The following FHIP1A variants were observed in gnomAD, a reference collection of about 807,000 sequenced individuals.
The protein encoded by FHIP1A is FHF complex subunit HOOK interacting protein 1A.
A neutral mutation model predicts 88.6 loss-of-function variants in FHIP1A; 61 were observed. The observed-to-expected ratio is 0.69, with a 90% CI of 0.56 to 0.85. The LOEUF is 0.85. Ranked by LOEUF, FHIP1A falls within the 40% of genes least tolerant of loss-of-function variation. The pLI is 0.00. For missense variants in FHIP1A, 1,154 were observed against 1,273.5 expected, an observed-to-expected ratio of 0.91 and a Z score of 1.43; for synonymous variants, 478 against 496.0, an observed-to-expected ratio of 0.96 and a Z score of 0.48.
intron 10 of FHIP1A, among the ~76,000 whole-genome samples, chr4:151,648,338 A>C (rs1433128164): frequency 3.3e-5 from 5 of 152,212 alleles, no homozygotes; most frequent in African/African-American, 1.2e-4. Flanking sequence ...GTGCGCAATA[A>C]ATACTGCCAG....
chr4:151,608,809 C>A (rs1735181882), intron 7 of FHIP1A, among the ~76,000 whole-genome samples: 1 of 152,160 alleles, frequency 6.6e-6, no homozygotes, highest in Non-Finnish European at 1.5e-5. Flanking sequence ...TTGGTGAAGC[C>A]TTTTCCAAAT....
intron 3 of FHIP1A, among the ~76,000 whole-genome samples, chr4:151,523,868 G>A (rs183381634): frequency 1.3e-5 from 2 of 152,274 alleles, no homozygotes; most frequent in Admixed American, 6.5e-5. Flanking sequence ...ATTGACATAA[G>A]TGCAGCCCTT....
chr4:151,640,385 AATCTT>A (rs554386925), intron 9 of FHIP1A, among the ~76,000 whole-genome samples: 31 of 152,336 alleles, frequency 2.0e-4, no homozygotes, highest in African/African-American at 7.5e-4. Flanking sequence ...ATCAGTAGCT[AATCTT>A]AAGGATTAGC....
At chr4:151,586,942 C>G in intron 6 of FHIP1A, 143 bp downstream of exon 6, 2 of 573,700 alleles carry the variant, frequency 3.5e-6, no homozygotes, top group East Asian at 3.2e-5. Context: ...ATTGAATGTC[C>G]TTGAATGAGT....
chr4:151,502,097 C>T (rs1046517684), intron 3 of FHIP1A, among the ~76,000 whole-genome samples: 8 of 147,184 alleles, frequency 5.4e-5, no homozygotes, highest in African/African-American at 2.0e-4. Context: ...GGGAGAATCA[C>T]TTGAGCCCAG....
chr4:151,615,083 A>T (rs148989243), intron 7 of FHIP1A, among the ~76,000 whole-genome samples: 3 of 152,294 alleles, frequency 2.0e-5, no homozygotes, highest in Non-Finnish European at 2.9e-5. Flanking sequence ...GCAGGGAGGT[A>T]AAAGGGCAGG....
chr4:151,488,390 A>T (rs1730160932), intron 3 of FHIP1A, among the ~76,000 whole-genome samples: 2 of 152,076 alleles, frequency 1.3e-5, no homozygotes, highest in Admixed American at 1.3e-4. Context: ...AACATGTGGC[A>T]TTTGGTTTTC....
At chr4:151,604,136 C>G (rs575639120) in intron 7 of FHIP1A, among the ~76,000 whole-genome samples, 1 of 152,002 alleles carries the variant, frequency 6.6e-6, no homozygotes, top group Non-Finnish European at 1.5e-5. Flanking sequence ...CTTCCTTCCT[C>G]CTCTGTGGTC....
In FHIP1A at chr4:151,416,260, A is replaced by G. The variant is rs183645595; in HGVS notation, c.-356+6795A>G. Among the ~76,000 whole-genome samples, 79 of 152,330 alleles carry G rather than the reference A, an allele frequency of 5.2e-4. No individual in the cohort carries two copies. In the East Asian group the frequency reaches 0.013, roughly 26 times the overall value. On this transcript the variant is annotated intron_variant, in intron 1 of 13. Coordinates refer to ENST00000435205, the MANE Select transcript of FHIP1A (RefSeq NM_001109977.3). ...GTGGCAAAGTTTTTACTGAATGTCT[A>G]AAAGAGTTGATTAATATTTTTATTT...
Position 151,447,491 on chromosome 4 carries a change from A to AT in FHIP1A, c.-355-7209dup, listed in dbSNP as rs1482578072. 3.3e-5 allele frequency among the ~76,000 whole-genome samples: 5 copies of AT among 152,250 alleles called. No individual in the cohort carries two copies. The East Asian group carries it at 9.6e-4, about 29-fold the overall frequency. On this transcript the variant is annotated intron_variant, in intron 1 of 13. Coordinates refer to ENST00000435205, the MANE Select transcript of FHIP1A (RefSeq NM_001109977.3). The stretch of plus-strand genomic sequence containing the variant: ...CACAGGTCTTCTTTCATTTCCTCGA[A>AT]TCACCATACTTTTCCTGACTTAGAA...
rs138609010 is a variant in FHIP1A at position 151,458,768 on chromosome 4, C to T, written c.-248+3960C>T. On this transcript the variant is annotated intron_variant, in intron 2 of 13. Transcript: ENST00000435205. ...AAACTGAATGGGGTTTTAGTCTGGG[C>T]GCAAGGGACTGTCTTTTGTTTGGCT... 7.4e-4 allele frequency among the ~76,000 whole-genome samples: 112 copies of T among 152,152 alleles called. 1 individual carries two copies. The highest frequency in any genetic ancestry group is 2.4e-3 in the African/African-American group (99 of 41,522).
intron 3 of FHIP1A, among the ~76,000 whole-genome samples, chr4:151,502,851 C>T (rs1730700131): frequency 6.6e-6 from 1 of 152,210 alleles, no homozygotes; most frequent in Admixed American, 6.5e-5. Context: ...TGTCATTTCT[C>T]TGTCTTCACG....
intron 8 of FHIP1A, among the ~76,000 whole-genome samples, chr4:151,637,013 A>G (rs1736380735): frequency 6.6e-6 from 1 of 152,178 alleles, no homozygotes; most frequent in Non-Finnish European, 1.5e-5. Flanking sequence ...ATAAACTCAT[A>G]TATCCATGGT....
chr4:151,479,592 A>G (rs896663155), intron 2 of FHIP1A, among the ~76,000 whole-genome samples: 1 of 152,056 alleles, frequency 6.6e-6, no homozygotes, highest in Non-Finnish European at 1.5e-5. Flanking sequence ...TGGTTGGTTA[A>G]TTATCCTCCA....
At chr4:151,473,313 TC>T (rs1337605962) in intron 2 of FHIP1A, among the ~76,000 whole-genome samples, 2 of 152,138 alleles carry the variant, frequency 1.3e-5, no homozygotes, top group Admixed American at 6.5e-5. Flanking sequence ...TCAATGCTTA[TC>T]TTTTTTTTAA....
rs750468420 is a variant in FHIP1A at position 151,646,675 on chromosome 4, C to T, written c.1344C>T (p.Ser448=). 81 of 1,551,376 alleles carry T rather than the reference C, an allele frequency of 5.2e-5. No homozygotes were observed. The highest frequency in any genetic ancestry group is 3.3e-4 in the Middle Eastern group (2 of 6,014). Residue 448 remains serine (S), a synonymous_variant, in exon 10 of 14, where the codon AGC becomes AGT. Transcript: ENST00000435205. The stretch of plus-strand genomic sequence containing the variant: ...CCTTGACTCCTGTCTGCTGCTCCAG[C>T]GGGATCACTCTGACGCTGGGGAACC... ...LLALTPVCCS[S]GITLTLGNQE... is the part of the protein sequence containing the mutation.
chr4:151,544,333 G>T (rs1346076681), intron 3 of FHIP1A, among the ~76,000 whole-genome samples: 2 of 152,258 alleles, frequency 1.3e-5, no homozygotes, highest in South Asian at 4.1e-4. Context: ...CATTGACCCC[G>T]ATCTGGCTTC....
Position 151,649,647 on chromosome 4 carries a change from C to A in FHIP1A, c.1606C>A (p.Leu536Ile). The change falls in exon 11 of 14, where the codon CTC becomes ATC. Residue 536 changes from leucine (L) to isoleucine (I), a missense_variant. By Grantham distance (5) the Leu-to-Ile change is conservative. Transcript: ENST00000435205. The part of the protein sequence containing the change: ...DGDSPDPEMF[L>I]QSLTEEGSVS... ...CGACTCCCCCGACCCTGAGATGTTT[C>A]TCCAGAGTCTGACGGAGGAGGGCAG... 6.4e-7 allele frequency: 1 copy of A among 1,551,698 alleles called. No homozygotes were observed. The highest frequency in any genetic ancestry group is 8.7e-7 in the Non-Finnish European group (1 of 1,146,986).
intron 3 of FHIP1A, among the ~76,000 whole-genome samples, chr4:151,524,163 G>T (rs774992719): frequency 6.6e-6 from 1 of 152,084 alleles, no homozygotes; most frequent in Non-Finnish European, 1.5e-5. Flanking sequence ...TTAGCTGGGC[G>T]TGGTGGCACG....
Sources: allele counts gnomAD v4.1 joint callset (sites outside exome capture counted in the v4.1 genomes callset), GRCh38; gene constraint gnomAD v4.1.1; transcripts MANE v1.5; gene names NCBI Gene and HGNC (gene_info 2026-07-23, HGNC 2026-07-21).